Variants in CLDND1 observed in about 807,000 individuals in gnomAD.
CLDND1 encodes claudin domain-containing protein 1.
In CLDND1, 13 loss-of-function variants were observed where a neutral mutation model predicts 26.3. That is an observed-to-expected ratio of 0.49 (90% CI 0.32 to 0.78). CLDND1 has a LOEUF of 0.78. Among genes scored for constraint, CLDND1 ranks in the 30% least tolerant of loss-of-function variants. The pLI is 0.03. For missense variants in CLDND1, 289 were observed against 312.8 expected (o/e 0.92, Z 0.57); for synonymous variants, 107 against 107.0 (o/e 1.00, Z 0.00).
chr3:98,521,874 A>C (rs950585964), intron 1 of CLDND1: 7 of 593,354 alleles, frequency 1.2e-5, no homozygotes, highest in Middle Eastern at 2.8e-4. Flanking sequence ...CAGGAAAAAG[A>C]AGCAGTGGAA....
intron 1 of CLDND1, chr3:98,521,989 G>A (rs753020937): frequency 1.0e-4 from 39 of 391,084 alleles, no homozygotes; most frequent in Non-Finnish European, 1.5e-4. Flanking sequence ...TAACCCCGAG[G>A]GAAAGGTTGT....
intron 3 of CLDND1, 30 bp from the exon 4 acceptor site, chr3:98,517,219 T>TTA: frequency 1.2e-6 from 2 of 1,603,666 alleles, no homozygotes; most frequent in Non-Finnish European, 1.7e-6. Context: ...AAAAGAAATG[T>TTA]TACCGTGATT....
intron 1 of CLDND1, chr3:98,521,800 C>T (rs1344034109): frequency 3.7e-6 from 4 of 1,073,622 alleles, no homozygotes; most frequent in Non-Finnish European, 2.8e-6. Context: ...TTTTAAATTA[C>T]AGACTGAATT....
rs999524724 is a variant in CLDND1, at chr3:98,516,019, T to A, written c.*640A>T. ...TAATCCTCGCCCGGCTGAACTGGAA[T>A]TCTTGCAGTTACAAAGTTAAAATTT... On this transcript the variant is annotated 3_prime_UTR_variant, in exon 5 of 5. Transcript: ENST00000341181. The A allele has an allele frequency of 2.6e-6, 3 of 1,161,252 alleles. No individual in the cohort carries two copies. Among genetic ancestry groups the A allele is most frequent in the African/African-American group, 1.6e-5 (1 of 62,092 alleles). 71.9% of individuals were successfully genotyped at this position (1,161,252 alleles called of 1,614,324 possible).
rs527430220 is a variant in CLDND1 at position 98,522,849 on chromosome 3, C to G, written c.-19G>C. ...GGCGACGCAGGTCCCGCTCACTCAC[C>G]GCCCATCCTCCTGCTCCGCCAGCTT... On this transcript the variant is annotated splice_region_variant and 5_prime_UTR_variant, in exon 1 of 5. Coordinates refer to ENST00000341181, the MANE Select transcript of CLDND1 (RefSeq NM_001040181.2). 8 of 1,613,702 alleles carry G rather than the reference C, an allele frequency of 5.0e-6. No homozygotes were observed. Among genetic ancestry groups the G allele is most frequent in the Admixed American group, 1.7e-5 (1 of 60,002 alleles).
At chr3:98,522,419 T>C (rs1028842819) in intron 1 of CLDND1, 10 of 550,112 alleles carry the variant, frequency 1.8e-5, no homozygotes, top group Non-Finnish European at 2.4e-5. Context: ...CTGGGGTTGC[T>C]GAGTTTGGAA....
intron 2 of CLDND1, among the ~76,000 whole-genome samples, chr3:98,520,016 A>G (rs1487622745): frequency 6.6e-6 from 1 of 152,158 alleles, no homozygotes; most frequent in Non-Finnish European, 1.5e-5. Context: ...GCCATAGCAC[A>G]TGTCATCTTT....
rs1272878334 is a variant in CLDND1, at chr3:98,516,101, G to T, written c.*558C>A. The T allele has an allele frequency of 3.7e-6, 4 of 1,086,434 alleles. No homozygotes were observed. In the South Asian group the frequency reaches 9.5e-5, roughly 26 times the overall value. 67.3% of individuals were successfully genotyped at this position (1,086,434 alleles called of 1,614,324 possible). ...GACAGACACAGTGCAGATACAAACA[G>T]CTGCCATATCTCACCTCAGATGAAG... On this transcript the variant is annotated 3_prime_UTR_variant, in exon 5 of 5. Transcript: ENST00000341181.
At chr3:98,520,554 A>T (rs1174430004) in intron 2 of CLDND1, among the ~76,000 whole-genome samples, 1 of 152,068 alleles carries the variant, frequency 6.6e-6, no homozygotes, top group Non-Finnish European at 1.5e-5. Context: ...ATAAACCTAA[A>T]AATCTAGTTT....
rs776962136 is a variant in CLDND1, at chr3:98,521,384, A to C, written c.41T>G (p.Val14Gly). ...GTAGATGGTGGAAATGAGGCTAAGC[A>C]CACAAGCAATTACAAATGCTGTAGC... ...RFATAFVIACVLSLISTIYMA... is the reference protein window; with the variant it reads ...RFATAFVIACGLSLISTIYMA... The change falls in exon 2 of 5, where the codon GTG becomes GGG. Residue 14 changes from valine (V) to glycine (G), a missense_variant. Physicochemically the swap from Val to Gly is moderately radical, Grantham distance 109 (BLOSUM62 -3). Transcript: ENST00000341181. 6.2e-7 allele frequency: 1 copy of C among 1,614,212 alleles called. No individual in the cohort carries two copies. Among genetic ancestry groups the C allele is most frequent in the Non-Finnish European group, 8.5e-7 (1 of 1,180,032 alleles).
In CLDND1 at chr3:98,516,516, G is replaced by T. The variant is rs1706145256; in HGVS notation, c.*143C>A. On this transcript the variant is annotated 3_prime_UTR_variant, in exon 5 of 5. Transcript: ENST00000341181. ...AGTGGTATTAAGTGTGTATTTAGTG[G>T]TGAATGTGTATAAATAAAATAGATT... 8.5e-6 allele frequency: 12 copies of T among 1,416,876 alleles called. No individual in the cohort carries two copies. Among genetic ancestry groups the T allele is most frequent in the Non-Finnish European group, 1.0e-5 (11 of 1,083,912 alleles). 87.8% of individuals were successfully genotyped at this position (1,416,876 alleles called of 1,614,324 possible). A position where few individuals can be genotyped will look rare whatever the true frequency, so the allele number is the denominator to read the frequency against.
At position 98,515,877 on chromosome 3, in the gene CLDND1, T is replaced by C; in HGVS notation, c.*782A>G. Reference sequence around the variant, plus strand: ...GTTGAGGAATTTTACCTTGTAACTGTAATATAATGTAAAAAGAAAGCACAC... The same window carrying C: ...GTTGAGGAATTTTACCTTGTAACTGCAATATAATGTAAAAAGAAAGCACAC... On this transcript the variant is annotated 3_prime_UTR_variant, in exon 5 of 5. Coordinates refer to ENST00000341181, the MANE Select transcript of CLDND1 (RefSeq NM_001040181.2). 7.8e-7 allele frequency: 1 copy of C among 1,284,898 alleles called. No homozygotes were observed. Among genetic ancestry groups the C allele is most frequent in the Non-Finnish European group, 1.0e-6 (1 of 986,156 alleles). The allele number at this position is 1,284,898 out of a possible 1,614,324, so 79.6% of individuals were successfully genotyped here.
In CLDND1 at chr3:98,515,962, C is replaced by A; in HGVS notation, c.*697G>T. ...AAAAATCCAAAACAATTTGGTGGTACTGAAAATCTTACGGAGAGTTAAAAA... is the reference window on the plus strand; with the variant it reads ...AAAAATCCAAAACAATTTGGTGGTAATGAAAATCTTACGGAGAGTTAAAAA... On this transcript the variant is annotated 3_prime_UTR_variant, in exon 5 of 5. Transcript: ENST00000341181. 8.2e-7 allele frequency: 1 copy of A among 1,214,142 alleles called. No homozygotes were observed. Among genetic ancestry groups the A allele is most frequent in the East Asian group, 5.8e-5 (1 of 17,196 alleles). The allele number at this position is 1,214,142 out of a possible 1,614,324, so 75.2% of individuals were successfully genotyped here.
At position 98,517,088 on chromosome 3, in the gene CLDND1, G is replaced by C. The variant is rs1706174555; in HGVS notation, c.505C>G (p.Pro169Ala). 2.5e-6 allele frequency: 4 copies of C among 1,614,132 alleles called. No individual in the cohort carries two copies. The highest frequency in any genetic ancestry group is 2.2e-5 in the East Asian group (1 of 44,888). ...LCACICRSLY[P>A]TIATGILHLL... ...TGGAGAATGCCCGTGGCAATGGTGGGATATAAGCTTCGGCAAATGCAAGCA... is the reference window on the plus strand; with the variant it reads ...TGGAGAATGCCCGTGGCAATGGTGGCATATAAGCTTCGGCAAATGCAAGCA... The change falls in exon 4 of 5, where the codon CCC becomes GCC. Residue 169 changes from proline to alanine, a missense_variant. Transcript: ENST00000341181.
intron 3 of CLDND1, among the ~76,000 whole-genome samples, chr3:98,518,521 T>C (rs1706258157): frequency 6.6e-6 from 1 of 152,206 alleles, no homozygotes; most frequent in South Asian, 2.1e-4. Context: ...AGTAAACTTT[T>C]TTCACATATA....
intron 3 of CLDND1, 127 bp from the exon 4 acceptor site, chr3:98,517,316 G>A: frequency 9.3e-7 from 1 of 1,078,118 alleles, no homozygotes; most frequent in Non-Finnish European, 1.3e-6. Flanking sequence ...TAACATTGAG[G>A]CCTCTTTTCT....
Position 98,515,672 on chromosome 3 carries a change from TAC to T in CLDND1, c.*985_*986del. 7.9e-7 allele frequency: 1 copy of T among 1,266,338 alleles called. No individual in the cohort carries two copies. The highest frequency in any genetic ancestry group is 1.3e-5 in the South Asian group (1 of 77,220). 78.4% of individuals were successfully genotyped at this position (1,266,338 alleles called of 1,614,324 possible). ...ATTAGAAGACATTAAATAATGTTGA[TAC>T]ACACCAGGAAGGGATTTAGGCAAGG... On this transcript the variant is annotated 3_prime_UTR_variant, in exon 5 of 5. Transcript: ENST00000341181.
rs775948042 is a variant in CLDND1, at chr3:98,521,726, G to A, written c.-18-284C>T. 5.0e-6 allele frequency: 8 copies of A among 1,601,570 alleles called. No homozygotes were observed. The African/African-American group carries it at 9.4e-5, about 19-fold the overall frequency. Reference sequence around the variant, plus strand: ...ATACTAAAACAGACAACACTGAAATGGACATACACATTACAGATACAAACA... The same window carrying A: ...ATACTAAAACAGACAACACTGAAATAGACATACACATTACAGATACAAACA... On this transcript the variant is annotated intron_variant, in intron 1 of 4. Transcript: ENST00000341181.
intron 4 of CLDND1, 29 bp from the exon 5 acceptor site, chr3:98,516,908 A>C (rs772275405): frequency 6.2e-7 from 1 of 1,613,178 alleles, no homozygotes; most frequent in Non-Finnish European, 8.5e-7. Context: ...AAACAAAACA[A>C]AACATGGCTG....
Sources: gnomAD v4.1 joint callset for allele counts (sites outside exome capture counted in the v4.1 genomes callset) on GRCh38, gnomAD v4.1.1 for gene constraint, MANE v1.5 for transcripts, NCBI Gene and HGNC (gene_info 2026-07-23, HGNC 2026-07-21) for gene names.